RBFOX1: variants seen among roughly 807,000 people sequenced by gnomAD.
RBFOX1 encodes RNA binding protein fox-1 homolog 1.
A neutral mutation model predicts 57.7 loss-of-function variants in RBFOX1; 8 were observed. That is an observed-to-expected ratio of 0.14 (90% confidence interval 0.08 to 0.25). RBFOX1 has a LOEUF of 0.25. Among genes scored for constraint, RBFOX1 ranks in the 10% least tolerant of loss-of-function variants. The pLI is 1.00. For missense variants in RBFOX1, 611 were observed against 548.5 expected, an observed-to-expected ratio of 1.11 and a Z score of -1.14; for synonymous variants, 326 against 222.4, an observed-to-expected ratio of 1.47 and a Z score of -4.15.
rs1427495552 is a variant in RBFOX1 at position 7,446,473 on chromosome 16, G to T, written c.28-71674G>T. ...TGTTGTGGGGTGAGTGCTCACATTTGCCTGCCGCTGAGCTATGTTTTAATG... is the reference window on the plus strand; with the variant it reads ...TGTTGTGGGGTGAGTGCTCACATTTTCCTGCCGCTGAGCTATGTTTTAATG... On this transcript the variant is annotated intron_variant, in intron 4 of 15. Transcript: ENST00000550418. 7.5e-4 allele frequency among the ~76,000 whole-genome samples: 114 copies of T among 152,290 alleles called. 1 individual carries two copies. The highest frequency in any genetic ancestry group is 8.8e-5 in the Non-Finnish European group (6 of 68,028).
At chr16:5,377,507 A>G (rs2066015861) in intron 1 of RBFOX1, among the ~76,000 whole-genome samples, 1 of 146,714 alleles carries the variant, frequency 6.8e-6, no homozygotes, top group Admixed American at 6.8e-5. Context: ...GAAGGCTAGT[A>G]TGGGTGTGGG....
chr16:6,475,398 T>C (rs966907310), intron 2 of RBFOX1, among the ~76,000 whole-genome samples: 1 of 152,232 alleles, frequency 6.6e-6, no homozygotes, highest in African/African-American at 2.4e-5. Flanking sequence ...AAAGGAAGTC[T>C]GCTACGCTTC....
intron 4 of RBFOX1, among the ~76,000 whole-genome samples, chr16:5,898,216 G>C (rs1032919554): frequency 1.3e-5 from 2 of 152,086 alleles, no homozygotes; most frequent in Admixed American, 6.6e-5. Flanking sequence ...ACAGCATGAG[G>C]GTAACTTCCC....
At chr16:6,595,645 A>G (rs889827925) in intron 2 of RBFOX1, among the ~76,000 whole-genome samples, 10 of 152,162 alleles carry the variant, frequency 6.6e-5, no homozygotes, top group African/African-American at 2.2e-4. Context: ...CCGTTTTCCA[A>G]CGTGGGTACC....
At position 6,885,502 on chromosome 16, in the gene RBFOX1, A is replaced by G. The variant is rs897683644; in HGVS notation, c.-15-166555A>G. Among the ~76,000 whole-genome samples, 38 of 152,102 alleles carry G rather than the reference A, an allele frequency of 2.5e-4. 1 individual carries two copies. Among genetic ancestry groups the G allele is most frequent in the Admixed American group, 9.8e-4 (15 of 15,254 alleles). ...TTCTTGACAAAGTCCAGGATGGTGC[A>G]TTAAATCTACTTCTGCATTTTATTT... On this transcript the variant is annotated intron_variant, in intron 3 of 15. Coordinates refer to ENST00000550418, the MANE Select transcript of RBFOX1 (RefSeq NM_018723.4).
At chr16:6,868,036 G>A (rs923826299) in intron 3 of RBFOX1, among the ~76,000 whole-genome samples, 3 of 152,086 alleles carry the variant, frequency 2.0e-5, no homozygotes, top group African/African-American at 4.8e-5. Flanking sequence ...ACTTATTTGC[G>A]AAATATAGGT....
In RBFOX1 at chr16:6,917,707, C is replaced by G. The variant is rs115756000; in HGVS notation, c.-15-134350C>G. 8.8e-3 allele frequency among the ~76,000 whole-genome samples: 1,347 copies of G among 152,236 alleles called. 21 individuals are homozygous for G. The highest frequency in any genetic ancestry group is 0.03 in the African/African-American group (1,267 of 41,544). The stretch of plus-strand genomic sequence containing the variant: ...TGCTGTGTGATGAGTAGACTCTTCC[C>G]CTTTGCTTCGATGGGAACCTCGGCA... On this transcript the variant is annotated intron_variant, in intron 3 of 15. Coordinates refer to ENST00000550418, the MANE Select transcript of RBFOX1 (RefSeq NM_018723.4).
At chr16:7,581,359 G>C (rs144447117) in intron 6 of RBFOX1, among the ~76,000 whole-genome samples, 1 of 152,296 alleles carries the variant, frequency 6.6e-6, no homozygotes, top group African/African-American at 2.4e-5. Context: ...GAGGCAGTAA[G>C]ACCAGGTGTG....
At chr16:7,075,866 C>T (rs2058197493) in intron 4 of RBFOX1, among the ~76,000 whole-genome samples, 1 of 152,000 alleles carries the variant, frequency 6.6e-6, no homozygotes, top group Non-Finnish European at 1.5e-5. Flanking sequence ...AGGCGTGAGC[C>T]ACCGCGCCCG....
intron 3 of RBFOX1, among the ~76,000 whole-genome samples, chr16:6,979,497 G>A (rs1339533570): frequency 1.3e-5 from 2 of 152,122 alleles, no homozygotes; most frequent in African/African-American, 4.8e-5. Context: ...ATTGATTGAA[G>A]GGCTGTATGT....
At chr16:7,241,592 TAA>T (rs1426833555) in intron 4 of RBFOX1, among the ~76,000 whole-genome samples, 1 of 152,144 alleles carries the variant, frequency 6.6e-6, no homozygotes, top group African/African-American at 2.4e-5. Context: ...GAGGGTTACT[TAA>T]AATGTTTTAT....
chr16:6,872,375 A>G (rs934066111), intron 3 of RBFOX1, among the ~76,000 whole-genome samples: 3 of 152,034 alleles, frequency 2.0e-5, no homozygotes, highest in African/African-American at 4.8e-5. Context: ...CGTAGTAATA[A>G]TAGCTTTACT....
intron 1 of RBFOX1, among the ~76,000 whole-genome samples, chr16:5,415,757 T>G (rs1467296651): frequency 6.6e-6 from 1 of 152,182 alleles, no homozygotes; most frequent in African/African-American, 2.4e-5. Flanking sequence ...AGAGAAAATA[T>G]TAAGGAACTG....
intron 2 of RBFOX1, among the ~76,000 whole-genome samples, chr16:6,339,813 G>C (rs1307268631): frequency 6.6e-6 from 1 of 151,926 alleles, no homozygotes; most frequent in Non-Finnish European, 1.5e-5. Context: ...TGGGATTACA[G>C]GTGCCTGCCA....
intron 1 of RBFOX1, among the ~76,000 whole-genome samples, chr16:6,043,905 G>A (rs567037905): frequency 6.6e-6 from 1 of 152,214 alleles, no homozygotes; most frequent in East Asian, 1.9e-4. Flanking sequence ...TAAGCAGCCA[G>A]CCTCCTTTCC....
chr16:7,401,980 C>T (rs2098251846), intron 4 of RBFOX1, among the ~76,000 whole-genome samples: 3 of 152,150 alleles, frequency 2.0e-5, no homozygotes, highest in African/African-American at 2.4e-5. Context: ...AAGCATGCAG[C>T]AGGTAGATGT....
chr16:7,037,665 TAACTC>T (rs972536177), intron 3 of RBFOX1, among the ~76,000 whole-genome samples: 1 of 152,232 alleles, frequency 6.6e-6, no homozygotes, highest in African/African-American at 2.4e-5. Flanking sequence ...TTGCAAATAT[TAACTC>T]ATTCAAATCA....
intron 2 of RBFOX1, among the ~76,000 whole-genome samples, chr16:6,496,813 G>C (rs1310828202): frequency 6.6e-6 from 1 of 151,996 alleles, no homozygotes; most frequent in East Asian, 1.9e-4. Context: ...CACAAAAATT[G>C]GCCTGGTGTG....
At chr16:5,389,602 T>A (rs1000357746) in intron 1 of RBFOX1, among the ~76,000 whole-genome samples, 5 of 152,126 alleles carry the variant, frequency 3.3e-5, no homozygotes, top group Non-Finnish European at 7.4e-5. Context: ...TTTTTCTCTC[T>A]GTCTGTTTGC....
Sources: allele counts gnomAD v4.1 joint callset (sites outside exome capture counted in the v4.1 genomes callset), GRCh38; gene constraint gnomAD v4.1.1; transcripts MANE v1.5; gene names NCBI Gene and HGNC (gene_info 2026-07-23, HGNC 2026-07-21).